The following SLC9A9 variants were observed in gnomAD, a reference collection of about 807,000 sequenced individuals.
SLC9A9 encodes solute carrier family 9 member A9.
Under a neutral mutation model 77.8 loss-of-function variants are expected in SLC9A9, and 62 were observed. The ratio of observed to expected loss-of-function variants is 0.80; its 90% CI spans 0.65 to 0.98. The LOEUF (loss-of-function observed/expected upper bound fraction) is 0.98. Among genes scored for constraint, SLC9A9 ranks in the 50% least tolerant of loss-of-function variants. SLC9A9 has a pLI of 0.00. For missense variants in SLC9A9, 775 were observed against 774.9 expected (o/e 1.00, Z 0.00); for synonymous variants, 320 against 283.5 (o/e 1.13, Z -1.29).
intron 5 of SLC9A9, 36 bp downstream of exon 5, chr3:143,693,156 T>C: frequency 6.7e-7 from 1 of 1,502,176 alleles, no homozygotes; most frequent in African/African-American, 1.4e-5. Flanking sequence ...AATGTTTGAT[T>C]CTTAAAAGAA....
At chr3:143,562,222 G>T (rs1208563864) in intron 8 of SLC9A9, among the ~76,000 whole-genome samples, 1 of 152,194 alleles carries the variant, frequency 6.6e-6, no homozygotes, top group Non-Finnish European at 1.5e-5. Context: ...TCTAAAACTG[G>T]TAGAATAGTG....
At chr3:143,510,003 T>C (rs1298822636) in intron 9 of SLC9A9, among the ~76,000 whole-genome samples, 2 of 152,214 alleles carry the variant, frequency 1.3e-5, no homozygotes, top group African/African-American at 2.4e-5. Context: ...GCCATGCTTG[T>C]TCCAAAATTT....
chr3:143,842,669 T>C (rs2009738130), intron 1 of SLC9A9, among the ~76,000 whole-genome samples: 1 of 152,236 alleles, frequency 6.6e-6, no homozygotes, highest in Non-Finnish European at 1.5e-5. Flanking sequence ...AACTGTGGAA[T>C]ACATAGCCAG....
At chr3:143,670,523 A>C (rs1423380403) in intron 5 of SLC9A9, among the ~76,000 whole-genome samples, 1 of 152,250 alleles carries the variant, frequency 6.6e-6, no homozygotes, top group Non-Finnish European at 1.5e-5. Context: ...ATCTGAGCCC[A>C]GGGAGACCTT....
intron 1 of SLC9A9, among the ~76,000 whole-genome samples, chr3:143,841,234 G>A (rs961299878): frequency 5.9e-5 from 9 of 151,948 alleles, no homozygotes; most frequent in African/African-American, 1.9e-4. Flanking sequence ...ACACACCTAC[G>A]TTTAAGATAG....
intron 11 of SLC9A9, among the ~76,000 whole-genome samples, chr3:143,482,476 A>G (rs184224241): frequency 2.0e-4 from 30 of 152,336 alleles, no homozygotes; most frequent in African/African-American, 7.2e-4. Flanking sequence ...GCAGAAGTCA[A>G]TGAATTTGAG....
At chr3:143,680,699 A>G (rs1432789004) in intron 5 of SLC9A9, among the ~76,000 whole-genome samples, 1 of 152,234 alleles carries the variant, frequency 6.6e-6, no homozygotes, top group Non-Finnish European at 1.5e-5. Context: ...TTTAGAATAG[A>G]GTAACATCAA....
intron 14 of SLC9A9, among the ~76,000 whole-genome samples, chr3:143,343,030 C>T (rs764450141): frequency 9.2e-5 from 14 of 152,192 alleles, no homozygotes; most frequent in Non-Finnish European, 1.8e-4. Context: ...TAGCACCACA[C>T]TTTTACTGTT....
In SLC9A9 at chr3:143,366,593, G is replaced by T. The variant is rs143585207; in HGVS notation, c.1525-3030C>A. Among the ~76,000 whole-genome samples the T allele has an allele frequency of 4.7e-3, 712 of 152,226 alleles. 6 individuals carry two copies. The highest frequency in any genetic ancestry group is 0.016 in the African/African-American group (682 of 41,538). On this transcript the variant is annotated intron_variant, in intron 13 of 15. Transcript: ENST00000316549. Reference sequence around the variant, plus strand: ...TCTTAGGTCCTAATCATATGGAAAAGACTTTTTATTAATGACAACAGTAAT... The same window carrying T: ...TCTTAGGTCCTAATCATATGGAAAATACTTTTTATTAATGACAACAGTAAT...
chr3:143,511,151 C>T (rs1449668664), intron 9 of SLC9A9, among the ~76,000 whole-genome samples: 2 of 152,132 alleles, frequency 1.3e-5, no homozygotes, highest in Non-Finnish European at 2.9e-5. Flanking sequence ...CAATGGATGC[C>T]TTGGGCTGGT....
intron 14 of SLC9A9, among the ~76,000 whole-genome samples, chr3:143,283,933 T>C (rs928076789): frequency 6.6e-6 from 1 of 152,212 alleles, no homozygotes; most frequent in Non-Finnish European, 1.5e-5. Context: ...ATAAAACCAC[T>C]AGAGAGCAAA....
intron 6 of SLC9A9, among the ~76,000 whole-genome samples, chr3:143,599,194 C>T (rs1374822588): frequency 6.6e-6 from 1 of 152,168 alleles, no homozygotes; most frequent in East Asian, 1.9e-4. Context: ...ATTTCCTGTC[C>T]ATAGTCCTCC....
At chr3:143,826,654 A>G (rs1242822083) in intron 2 of SLC9A9, among the ~76,000 whole-genome samples, 1 of 152,158 alleles carries the variant, frequency 6.6e-6, no homozygotes, top group Non-Finnish European at 1.5e-5. Context: ...CTTCATTTTC[A>G]GCTCTAGGTT....
At chr3:143,305,562 G>A (rs1016221215) in intron 14 of SLC9A9, among the ~76,000 whole-genome samples, 8 of 152,174 alleles carry the variant, frequency 5.3e-5, no homozygotes, top group African/African-American at 1.9e-4. Context: ...GGGTTTCAAC[G>A]TCTTTATACA....
At chr3:143,342,433 T>C (rs779684616) in intron 14 of SLC9A9, 3 of 152,288 alleles carry the variant, frequency 2.0e-5, no homozygotes, top group Middle Eastern at 3.4e-3. Context: ...GATCCACCCT[T>C]ATGACCAGCA....
intron 6 of SLC9A9, among the ~76,000 whole-genome samples, chr3:143,604,316 C>T (rs746076862): frequency 2.6e-5 from 4 of 152,092 alleles, no homozygotes; most frequent in African/African-American, 7.2e-5. Context: ...AAGCAGGGTG[C>T]GAAGCTCTGG....
rs554051886 is a variant in SLC9A9 at position 143,580,208 on chromosome 3, G to A, written c.756-1485C>T. 5.3e-5 allele frequency among the ~76,000 whole-genome samples: 8 copies of A among 152,328 alleles called. No individual in the cohort carries two copies. In the East Asian group the frequency reaches 1.5e-3, roughly 29 times the overall value. On this transcript the variant is annotated intron_variant, in intron 6 of 15. Coordinates refer to ENST00000316549, the MANE Select transcript of SLC9A9 (RefSeq NM_173653.4). ...GAAACCTGGTGCCCAAGGCTGTGAT[G>A]CTTGATGTGTTTGAGTTGACATTCT...
intron 2 of SLC9A9, among the ~76,000 whole-genome samples, chr3:143,829,965 G>A (rs1182983245): frequency 6.6e-6 from 1 of 152,166 alleles, no homozygotes; most frequent in East Asian, 1.9e-4. Flanking sequence ...ACTCAAAGAA[G>A]GGGGATGGAA....
intron 9 of SLC9A9, among the ~76,000 whole-genome samples, chr3:143,532,732 A>G (rs1432917755): frequency 1.3e-5 from 2 of 152,066 alleles, no homozygotes; most frequent in African/African-American, 4.8e-5. Context: ...CAGCCCTATA[A>G]CTCTATGATT....
Sources: allele counts gnomAD v4.1 joint callset (sites outside exome capture counted in the v4.1 genomes callset), GRCh38; gene constraint gnomAD v4.1.1; transcripts MANE v1.5; gene names NCBI Gene and HGNC (gene_info 2026-07-23, HGNC 2026-07-21).